Variants in ENOX2 observed in about 807,000 individuals in gnomAD.
ENOX2 encodes the protein APK1 antigen.
A neutral mutation model predicts 45.0 loss-of-function variants in ENOX2; 36 were observed. The ratio of observed to expected loss-of-function variants is 0.80; its 90% CI spans 0.61 to 1.06. The LOEUF is 1.06. ENOX2 is among the 50% of genes least tolerant of loss of function. The pLI is 0.00. For synonymous variants in ENOX2, 174 were observed against 152.3 expected (o/e 1.14, Z -1.05); for missense variants, 423 against 462.5 (o/e 0.91, Z 0.78).
intron 4 of ENOX2, among the ~76,000 whole-genome samples, chrX:130,701,346 C>T (rs1403846534): frequency 9.1e-6 from 1 of 109,439 alleles, no homozygotes; most frequent in African/African-American, 3.3e-5. Context: ...CAGTTTAAAA[C>T]AATATAAAAC....
chrX:130,788,889 T>TTCTGTATC (rs1458804895), intron 2 of ENOX2, among the ~76,000 whole-genome samples: 1 of 112,448 alleles, frequency 8.9e-6, no homozygotes, highest in African/African-American at 3.2e-5. Flanking sequence ...TTTCTACTAT[T>TTCTGTATC]TCTGTATCTC....
intron 2 of ENOX2, among the ~76,000 whole-genome samples, chrX:130,796,490 A>G (rs753240682): frequency 2.7e-5 from 3 of 112,335 alleles, no homozygotes; most frequent in Non-Finnish European, 5.6e-5. Context: ...AGGTATTCTT[A>G]ACAAAGCTTG....
intron 11 of ENOX2, among the ~76,000 whole-genome samples, chrX:130,636,509 C>T (rs1315650258): frequency 8.9e-6 from 1 of 112,423 alleles, no homozygotes. Context: ...AGAGGCACTA[C>T]TCCTTTACTA....
chrX:130,672,884 C>T (rs898843603), intron 6 of ENOX2, among the ~76,000 whole-genome samples: 1 of 111,815 alleles, frequency 8.9e-6, no homozygotes, highest in Non-Finnish European at 1.9e-5. Context: ...TTGGGTTATT[C>T]GTGGGTGAGC....
At chrX:130,762,654 T>G in intron 3 of ENOX2, among the ~76,000 whole-genome samples, 1 of 112,357 alleles carries the variant, frequency 8.9e-6, no homozygotes, top group East Asian at 2.8e-4. Flanking sequence ...TTCAAGTCTT[T>G]GGAGATTTTC....
intron 3 of ENOX2, among the ~76,000 whole-genome samples, chrX:130,744,620 A>C (rs2039058379): frequency 8.9e-6 from 1 of 112,441 alleles, no homozygotes; most frequent in Non-Finnish European, 1.9e-5. Context: ...AAAAATATAC[A>C]ATGAGAAAAA....
intron 2 of ENOX2, among the ~76,000 whole-genome samples, chrX:130,899,578 T>C (rs2079113435): frequency 8.9e-6 from 1 of 112,087 alleles, no homozygotes; most frequent in South Asian, 3.7e-4. Flanking sequence ...TTCATGTATG[T>C]TGGGCAAGGG....
In ENOX2 at chrX:130,625,250, T is replaced by A; in HGVS notation, c.*64A>T. On this transcript the variant is annotated 3_prime_UTR_variant, in exon 15 of 15. Transcript: ENST00000394363. ...ACTTGAAAACCATTAAAAATATAAA[T>A]CACTTTCTATGCTTGTCCAACACAT... The A allele has an allele frequency of 9.1e-7, 1 of 1,104,460 alleles. No individual in the cohort carries two copies. Among genetic ancestry groups the A allele is most frequent in the Non-Finnish European group, 1.2e-6 (1 of 821,914 alleles). The allele number at this position is 1,104,460 out of a possible 1,213,427, so 91.0% of individuals were successfully genotyped here.
intron 3 of ENOX2, among the ~76,000 whole-genome samples, chrX:130,752,659 C>T (rs148251116): frequency 1.1e-3 from 127 of 110,930 alleles, no homozygotes; most frequent in African/African-American, 3.9e-3. Context: ...CTATTTCTCT[C>T]GTCTTCCTGT....
At chrX:130,765,660 T>C (rs1452850976) in intron 3 of ENOX2, among the ~76,000 whole-genome samples, 2 of 111,680 alleles carry the variant, frequency 1.8e-5, no homozygotes, top group East Asian at 5.6e-4. Context: ...TTTTGTATTG[T>C]GAATTGTGCT....
chrX:130,822,935 TA>T (rs1357295581), intron 2 of ENOX2, among the ~76,000 whole-genome samples: 9 of 112,250 alleles, frequency 8.0e-5, no homozygotes, highest in African/African-American at 2.9e-4. Flanking sequence ...TTAGGTATAT[TA>T]AATGCATTTT....
At chrX:130,819,966 A>C (rs2077566994) in intron 2 of ENOX2, among the ~76,000 whole-genome samples, 1 of 112,233 alleles carries the variant, frequency 8.9e-6, no homozygotes, top group Non-Finnish European at 1.9e-5. Flanking sequence ...AAAAATAGAC[A>C]AATAGGATAC....
intron 2 of ENOX2, among the ~76,000 whole-genome samples, chrX:130,889,327 A>C (rs1323838233): frequency 8.9e-6 from 1 of 112,124 alleles, no homozygotes. Flanking sequence ...ATCAGATGTC[A>C]GCTCCTCTTG....
At chrX:130,749,901 C>A (rs1364491811) in intron 3 of ENOX2, among the ~76,000 whole-genome samples, 1 of 110,413 alleles carries the variant, frequency 9.1e-6, no homozygotes, top group Non-Finnish European at 1.9e-5. Context: ...TTCCTCTCTG[C>A]CTGTGTCTCC....
At chrX:130,630,228 T>C (rs1175454323) in intron 13 of ENOX2, among the ~76,000 whole-genome samples, 1 of 111,030 alleles carries the variant, frequency 9.0e-6, no homozygotes, top group Non-Finnish European at 1.9e-5. Context: ...TCCTGAGTCA[T>C]CTGTCACTGT....
chrX:130,798,847 G>A (rs2077173983), intron 2 of ENOX2, among the ~76,000 whole-genome samples: 1 of 111,918 alleles, frequency 8.9e-6, no homozygotes, highest in African/African-American at 3.2e-5. Flanking sequence ...AAGAATACCG[G>A]AAAGCACTGC....
chrX:130,872,109 T>TTA (rs947713484), intron 2 of ENOX2, among the ~76,000 whole-genome samples: 1 of 112,055 alleles, frequency 8.9e-6, no homozygotes, highest in African/African-American at 3.2e-5. Flanking sequence ...AAGAACTACT[T>TTA]TACCTCATTG....
At chrX:130,724,203 TGA>T (rs1294188529) in intron 3 of ENOX2, among the ~76,000 whole-genome samples, 1 of 112,570 alleles carries the variant, frequency 8.9e-6, no homozygotes, top group East Asian at 2.8e-4. Context: ...TCAGCCTATA[TGA>T]GAGCAATAAA....
intron 2 of ENOX2, among the ~76,000 whole-genome samples, chrX:130,805,948 G>A (rs1053313205): frequency 1.1e-3 from 122 of 112,023 alleles, no homozygotes; most frequent in African/African-American, 3.9e-3. Context: ...TCAGAAACAA[G>A]TAATCCATAA....
Sources: gnomAD v4.1 joint callset for allele counts (sites outside exome capture counted in the v4.1 genomes callset) on GRCh38, gnomAD v4.1.1 for gene constraint, MANE v1.5 for transcripts, NCBI Gene and HGNC (gene_info 2026-07-23, HGNC 2026-07-21) for gene names.